The following C12orf76 variants were observed in gnomAD, a reference collection of about 807,000 sequenced individuals.
The protein encoded by C12orf76 is chromosome 12 open reading frame 76.
C12orf76 carries 6 observed loss-of-function variants against 6.8 expected under a neutral mutation model. The ratio of observed to expected loss-of-function variants is 0.88; its 90% CI spans 0.48 to 1.73. The LOEUF (loss-of-function observed/expected upper bound fraction) is 1.73. Ranked by LOEUF, C12orf76 falls within the 40% of genes most tolerant of loss-of-function variation. The probability of loss-of-function intolerance (pLI) is 0.01; values close to 1 mark genes in which losing one functional copy is unlikely to be tolerated. For synonymous variants in C12orf76, 56 were observed against 43.7 expected, an observed-to-expected ratio of 1.28 and a Z score of -1.11; for missense variants, 99 against 98.2, an observed-to-expected ratio of 1.01 and a Z score of -0.03.
At chr12:110,042,740 G>C in intron 1 of C12orf76, 1 of 622,186 alleles carries the variant, frequency 1.6e-6, no homozygotes, top group South Asian at 1.9e-5. Flanking sequence ...GGGACAGTCA[G>C]GAAGCATCCG....
intron 2 of C12orf76, among the ~76,000 whole-genome samples, chr12:110,060,927 C>T (rs886422334): frequency 1.3e-5 from 2 of 151,894 alleles, no homozygotes; most frequent in African/African-American, 4.8e-5. Flanking sequence ...CCCAGCTACT[C>T]AGGAGGCTGA....
At chr12:110,072,650 C>T (rs761486738), upstream of C12orf76, among the ~76,000 whole-genome samples, 8 of 151,728 alleles carry the variant, frequency 5.3e-5, no homozygotes, top group Non-Finnish European at 1.2e-4. Context: ...CAGCCAGACA[C>T]GGTGGCTCAC....
chr12:110,048,544 G>A (rs1472972121), upstream of C12orf76: 7 of 1,372,038 alleles, frequency 5.1e-6, no homozygotes, highest in Middle Eastern at 2.3e-4. Context: ...CGCAAGCCCT[G>A]CCTCTGTCTC....
chr12:110,061,520 A>G (rs535421034), intron 2 of C12orf76, among the ~76,000 whole-genome samples: 1 of 147,922 alleles, frequency 6.8e-6, no homozygotes, highest in African/African-American at 2.5e-5. Context: ...CACTCTCTAT[A>G]CTGCACACTG....
upstream of C12orf76, among the ~76,000 whole-genome samples, chr12:110,069,194 A>G (rs1892930804): frequency 6.6e-6 from 1 of 152,208 alleles, no homozygotes; most frequent in Non-Finnish European, 1.5e-5. Context: ...TAATCCCAGC[A>G]TTTTGGGAGG....
chr12:110,058,065 C>CAAAAAAAAAAAAAAAAAAAAAAA (rs59838926), intron 3 of C12orf76, among the ~76,000 whole-genome samples: 1 of 52,670 alleles, frequency 1.9e-5, no homozygotes, highest in African/African-American at 6.7e-5. Flanking sequence ...GACTCGGTCT[C>CAAAAAAAAAAAAAAAAAAAAAAA]AAAAAAAAAA....
At chr12:110,073,388 C>A (rs781168256) in intron 1 of C12orf76, 1 of 514,390 alleles carries the variant, frequency 1.9e-6, no homozygotes, top group East Asian at 5.5e-5. Context: ...TCAACCACTG[C>A]AGAGATCTGG....
At chr12:110,057,128 A>T in intron 4 of C12orf76, 1 of 1,167,606 alleles carries the variant, frequency 8.6e-7, no homozygotes, top group South Asian at 1.2e-5. Context: ...GTCCACCATA[A>T]AGTTGTTCTT....
chr12:110,070,749 T>G (rs867978405), upstream of C12orf76, among the ~76,000 whole-genome samples: 2 of 152,262 alleles, frequency 1.3e-5, no homozygotes, highest in Middle Eastern at 6.8e-3. Context: ...ATATGTCTTG[T>G]TTTCGATTTC....
intron 1 of C12orf76, among the ~76,000 whole-genome samples, chr12:110,046,945 A>G (rs774483205): frequency 8.6e-5 from 13 of 151,976 alleles, no homozygotes; most frequent in Non-Finnish European, 1.8e-4. Context: ...TTTATCCAAC[A>G]TGTCGTAATA....
upstream of C12orf76, among the ~76,000 whole-genome samples, chr12:110,069,824 C>T (rs1310110030): frequency 6.6e-6 from 1 of 152,158 alleles, no homozygotes; most frequent in African/African-American, 2.4e-5. Context: ...TCCATGTCCC[C>T]ATGGAACATG....
At chr12:110,057,649 CAAA>C (rs1041569800) in intron 3 of C12orf76, among the ~76,000 whole-genome samples, 3 of 152,158 alleles carry the variant, frequency 2.0e-5, no homozygotes, top group Admixed American at 6.5e-5. Flanking sequence ...GTTTCTGTAA[CAAA>C]TTACCACTAA....
At chr12:110,072,261 T>TAAA (rs1210182713), upstream of C12orf76, among the ~76,000 whole-genome samples, 2 of 124,410 alleles carry the variant, frequency 1.6e-5, no homozygotes, top group African/African-American at 3.0e-5. Flanking sequence ...ACCCCAAATC[T>TAAA]AAAAAAAAAA....
intron 2 of C12orf76, chr12:110,065,845 A>AC (rs769422188): frequency 1.2e-6 from 2 of 1,613,306 alleles, no homozygotes; most frequent in South Asian, 2.2e-5. Flanking sequence ...GTCTGGCTCT[A>AC]CCCTCCTCTC....
At chr12:110,065,882 T>C (rs146956577) in exon 2 of C12orf76, 144 of 1,614,174 alleles carry the variant, frequency 8.9e-5, no homozygotes, top group Non-Finnish European at 1.1e-4. Flanking sequence ...CATGCTGTCC[T>C]TGCTGTTCCT....
chr12:110,048,391 C>G lies in C12orf76; in HGVS notation c.105G>C (p.Pro35=). 6.6e-7 allele frequency: 1 copy of G among 1,515,066 alleles called. No individual in the cohort carries two copies. Among genetic ancestry groups the G allele is most frequent in the Non-Finnish European group, 8.8e-7 (1 of 1,136,948 alleles). The allele number at this position is 1,515,066 out of a possible 1,614,324, so 93.9% of individuals were successfully genotyped here. A position where few individuals can be genotyped will look rare whatever the true frequency, so the allele number is the denominator to read the frequency against. Residue 35 remains proline (P), a synonymous_variant, in exon 1 of 2, where the codon CCG becomes CCC. Coordinates refer to ENST00000615315, the MANE Select transcript of C12orf76 (RefSeq NM_001389625.1). ...SPVDPLERSR[P]YAVLRGQNLV... is the part of the protein sequence containing the mutation. ...GGTTCTGCCCTCGCAGCACCGCGTACGGCCGGCTCCGCTCCAGCGGATCCA... is the reference window on the plus strand; with the variant it reads ...GGTTCTGCCCTCGCAGCACCGCGTAGGGCCGGCTCCGCTCCAGCGGATCCA...
upstream of C12orf76, among the ~76,000 whole-genome samples, chr12:110,052,988 G>A (rs189752341): frequency 7.2e-4 from 106 of 148,042 alleles, no homozygotes; most frequent in South Asian, 1.5e-3. Context: ...GGATCACAAG[G>A]TCAGGAGATC....
chr12:110,068,429 C>G (rs986986881), upstream of C12orf76, among the ~76,000 whole-genome samples: 1 of 152,178 alleles, frequency 6.6e-6, no homozygotes, highest in African/African-American at 2.4e-5. Context: ...CCAAGGACAG[C>G]ACAATCTCTT....
intron 1 of C12orf76, among the ~76,000 whole-genome samples, chr12:110,043,372 G>T (rs762307715): frequency 1.0e-4 from 14 of 136,988 alleles, no homozygotes; most frequent in African/African-American, 4.2e-4. Flanking sequence ...TGATTTAGTC[G>T]GAAAAAAAAA....
Sources: gnomAD v4.1 joint callset for allele counts (sites outside exome capture counted in the v4.1 genomes callset) on GRCh38, gnomAD v4.1.1 for gene constraint, MANE v1.5 for transcripts, NCBI Gene and HGNC (gene_info 2026-07-23, HGNC 2026-07-21) for gene names.